DRC11: variants seen among roughly 807,000 people sequenced by gnomAD.
The protein encoded by DRC11 is IQ and AAA domain-containing protein 1.
At chr2:236,467,045 G>A in the DRC11 span, among the ~76,000 whole-genome samples, 1 of 151,878 alleles carries the variant, frequency 6.6e-6, no homozygotes, top group Non-Finnish European at 1.5e-5. Flanking sequence ...TTCCTTTTTT[G>A]CAAATTTAAT....
At chr2:236,437,762 A>G in the DRC11 span, among the ~76,000 whole-genome samples, 1 of 152,120 alleles carries the variant, frequency 6.6e-6, no homozygotes, top group Non-Finnish European at 1.5e-5. Context: ...GTCTGTTCAT[A>G]TCCTTTGCCC....
chr2:236,505,902 A>C, the DRC11 span, among the ~76,000 whole-genome samples: 1 of 152,298 alleles, frequency 6.6e-6, no homozygotes, highest in East Asian at 1.9e-4. Flanking sequence ...TCTAGCTGCC[A>C]ACATATTTCC....
At chr2:236,328,524 T>C in the DRC11 span, among the ~76,000 whole-genome samples, 1 of 152,066 alleles carries the variant, frequency 6.6e-6, no homozygotes, top group African/African-American at 2.4e-5. This position sits in a 1 kb window ranked among gnomAD's most constrained non-coding sequence, Gnocchi z 6.7. Flanking sequence ...AGTTCCAGCA[T>C]TCTGTCTCTC....
At chr2:236,438,800 T>G in the DRC11 span, among the ~76,000 whole-genome samples, 2 of 152,002 alleles carry the variant, frequency 1.3e-5, no homozygotes, top group Admixed American at 6.6e-5. Flanking sequence ...TATTCCAAAA[T>G]TGACCACATA....
At chr2:236,378,692 A>G in the DRC11 span, among the ~76,000 whole-genome samples, 2 of 150,054 alleles carry the variant, frequency 1.3e-5, no homozygotes, top group Non-Finnish European at 1.5e-5. Context: ...AAAAAAAAAA[A>G]GCTAGAAGAC....
At chr2:236,354,488 G>A in the DRC11 span, among the ~76,000 whole-genome samples, 3 of 151,978 alleles carry the variant, frequency 2.0e-5, no homozygotes, top group East Asian at 3.9e-4. Context: ...TTGAAGCCCC[G>A]TCTCCTCCCC....
At chr2:236,400,154 C>T in the DRC11 span, among the ~76,000 whole-genome samples, 5 of 152,212 alleles carry the variant, frequency 3.3e-5, no homozygotes, top group African/African-American at 1.2e-4. The surrounding 1 kb of genome is among the most constrained non-coding windows in gnomAD (Gnocchi z 7.9). Flanking sequence ...AGCTGTGCTG[C>T]TTGCCAGTTC....
chr2:236,411,590 T>A, the DRC11 span, among the ~76,000 whole-genome samples: 647 of 105,704 alleles, frequency 6.1e-3, no homozygotes, highest in African/African-American at 0.012. Context: ...TAAAGACACA[T>A]GCACATGTAT....
At chr2:236,398,992 A>ATT in the DRC11 span, among the ~76,000 whole-genome samples, 8 of 144,504 alleles carry the variant, frequency 5.5e-5, no homozygotes, top group African/African-American at 1.5e-4. The surrounding 1 kb of genome is among the most constrained non-coding windows in gnomAD (Gnocchi z 6.2). Context: ...ACCAAAAGGA[A>ATT]TTTTTTTTTT....
chr2:236,407,631 A>G, the DRC11 span, among the ~76,000 whole-genome samples: 6 of 152,074 alleles, frequency 3.9e-5, no homozygotes, highest in African/African-American at 1.2e-4. Flanking sequence ...TCGCTCTCCT[A>G]TTGATTTTGT....
At chr2:236,440,890 G>C in the DRC11 span, 7 of 570,808 alleles carry the variant, frequency 1.2e-5, no homozygotes, top group Non-Finnish European at 2.2e-5. Context: ...ATATGAAAGT[G>C]TGTACAATGA....
At chr2:236,389,444 CCTTT>C in the DRC11 span, among the ~76,000 whole-genome samples, 6 of 152,200 alleles carry the variant, frequency 3.9e-5, no homozygotes, top group South Asian at 2.1e-4. Flanking sequence ...GTCCGTCACC[CCTTT>C]CTTTGACTCA....
the DRC11 span, among the ~76,000 whole-genome samples, chr2:236,495,346 A>C: frequency 1.3e-5 from 2 of 152,356 alleles, no homozygotes; most frequent in East Asian, 3.9e-4. The surrounding 1 kb of genome is among the most constrained non-coding windows in gnomAD (Gnocchi z 5.6). Context: ...TCCATCTAAA[A>C]AAAAATTATA....
At chr2:236,339,083 G>C in the DRC11 span, among the ~76,000 whole-genome samples, 1 of 152,170 alleles carries the variant, frequency 6.6e-6, no homozygotes, top group Non-Finnish European at 1.5e-5. Context: ...AAGCACACCA[G>C]GGGCAATGGT....
At chr2:236,417,914 T>C in the DRC11 span, among the ~76,000 whole-genome samples, 1 of 152,218 alleles carries the variant, frequency 6.6e-6, no homozygotes, top group African/African-American at 2.4e-5. Context: ...GAACTCATTC[T>C]TTCTTATGGC....
At chr2:236,362,644 T>C in the DRC11 span, among the ~76,000 whole-genome samples, 1 of 152,258 alleles carries the variant, frequency 6.6e-6, no homozygotes, top group East Asian at 1.9e-4. This position sits in a 1 kb window ranked among gnomAD's most constrained non-coding sequence, Gnocchi z 5.7. Context: ...TATACGTGGA[T>C]TTTCAACTGC....
the DRC11 span, among the ~76,000 whole-genome samples, chr2:236,504,342 C>T: frequency 2.0e-5 from 3 of 152,156 alleles, no homozygotes; most frequent in East Asian, 1.9e-4. This position sits in a 1 kb window ranked among gnomAD's most constrained non-coding sequence, Gnocchi z 5.0. Flanking sequence ...TTTATCCATT[C>T]GCCAGCCCAT....
At chr2:236,461,905 G>C in the DRC11 span, among the ~76,000 whole-genome samples, 15 of 152,236 alleles carry the variant, frequency 9.9e-5, no homozygotes, top group African/African-American at 3.6e-4. This position sits in a 1 kb window ranked among gnomAD's most constrained non-coding sequence, Gnocchi z 4.0. Context: ...GAACCTGGGA[G>C]GGAACAGTCA....
the DRC11 span, among the ~76,000 whole-genome samples, chr2:236,459,554 T>TAC: frequency 2.6e-5 from 3 of 116,836 alleles, no homozygotes; most frequent in African/African-American, 9.9e-5. Flanking sequence ...TACGTATACA[T>TAC]GTATACGTAT....
Sources: gnomAD v4.1 joint callset for allele counts (sites outside exome capture counted in the v4.1 genomes callset) on GRCh38, gnomAD v4.1.1 for gene constraint, Gnocchi (gnomAD v3.1) non-coding constraint, MANE v1.5 for transcripts, NCBI Gene and HGNC (gene_info 2026-07-23, HGNC 2026-07-21) for gene names.